The following SCN7A variants were observed in gnomAD, a reference collection of about 807,000 sequenced individuals.
SCN7A encodes sodium voltage-gated channel alpha subunit 7.
A neutral mutation model predicts 155.2 loss-of-function variants in SCN7A; 138 were observed. The ratio of observed to expected loss-of-function variants is 0.89; its 90% CI spans 0.77 to 1.02. The LOEUF is 1.02. SCN7A is among the 50% of genes least tolerant of loss of function. The pLI, the probability that SCN7A is intolerant of heterozygous loss-of-function variation, is 0.00. For missense variants in SCN7A, 2,058 were observed against 1,986.6 expected (o/e 1.04, Z -0.68); for synonymous variants, 693 against 649.0 (o/e 1.07, Z -1.03).
intron 2 of SCN7A, among the ~76,000 whole-genome samples, chr2:166,480,332 C>A (rs1702893162): frequency 6.6e-6 from 1 of 152,038 alleles, no homozygotes; most frequent in South Asian, 2.1e-4. Flanking sequence ...GTGGCGGGCG[C>A]CTGTAGTCCC....
chr2:166,447,726 G>A lies in SCN7A; in HGVS notation c.1291-18C>T, dbSNP rs1702094768. ...GTCTTGGCCTGAAAAGGAATTTGAT[G>A]GTTTAATACTGGCTTCCTGTCTTTG... On this transcript the variant is annotated intron_variant, in intron 11 of 25. Coordinates refer to ENST00000643258, the MANE Select transcript of SCN7A (RefSeq NM_002976.4). 1.3e-6 allele frequency: 2 copies of A among 1,564,644 alleles called. No homozygotes were observed. Among genetic ancestry groups the A allele is most frequent in the Non-Finnish European group, 1.8e-6 (2 of 1,136,014 alleles).
Position 166,456,974 on chromosome 2 carries a change from C to T in SCN7A, c.1186G>A (p.Ala396Thr), listed in dbSNP as rs1246944832. Residue 396 changes from alanine to threonine, a missense_variant, in exon 11 of 26, where the codon GCC (alanine) becomes ACC (threonine). Ala to Thr is a moderately conservative substitution (Grantham distance 58, BLOSUM62 0). Transcript: ENST00000643258. ...ACTCTCTGCTTTTCTTCTTCATAGG[C>T]CATGGCAAGTATGCCTAAGAACAAA... ...ASLFLGILAM[A>T]YEEEKQRVGE... 1.2e-6 allele frequency: 2 copies of T among 1,605,238 alleles called. No homozygotes were observed. Among genetic ancestry groups the T allele is most frequent in the Non-Finnish European group, 1.7e-6 (2 of 1,175,746 alleles).
rs769318708 is a variant in SCN7A, at chr2:166,406,076, A to C, written c.4553T>G (p.Phe1518Cys). The C allele has an allele frequency of 2.9e-5, 47 of 1,612,546 alleles. No homozygotes were observed. Among genetic ancestry groups the C allele is most frequent in the African/African-American group, 5.3e-5 (4 of 74,816 alleles). Residue 1518 changes from phenylalanine (F) to cysteine (C), a missense_variant, in exon 26 of 26, where the codon TTC becomes TGC. Physicochemically the swap from Phe to Cys is radical, Grantham distance 205. Coordinates refer to ENST00000643258, the MANE Select transcript of SCN7A (RefSeq NM_002976.4). ...KTLSEDDFRK[F>C]FQVWKRFDPD... ...ATCAAACCTTTTCCATACCTGAAAGAATTTCCTAAAATCATCTTCACTCAA... is the reference window on the plus strand; with the variant it reads ...ATCAAACCTTTTCCATACCTGAAAGCATTTCCTAAAATCATCTTCACTCAA...
intron 7 of SCN7A, among the ~76,000 whole-genome samples, 200 bp downstream of exon 7, chr2:166,470,415 T>G (rs1559122312): frequency 6.6e-6 from 1 of 151,864 alleles, no homozygotes; most frequent in Non-Finnish European, 1.5e-5. Flanking sequence ...AAATTGAGCC[T>G]ACACCAAATA....
chr2:166,486,399 CA>C (rs2105535273), intron 2 of SCN7A, among the ~76,000 whole-genome samples: 1 of 152,312 alleles, frequency 6.6e-6, no homozygotes, highest in Admixed American at 6.5e-5. Flanking sequence ...AAACCTTCAA[CA>C]ATGTACCAGA....
rs1296739923 is a variant in SCN7A at position 166,489,028 on chromosome 2, C to T, written c.-127-2060G>A. 1.3e-5 allele frequency among the ~76,000 whole-genome samples: 2 copies of T among 152,082 alleles called. 1 individual carries two copies. Among genetic ancestry groups the T allele is most frequent in the East Asian group, 3.9e-4 (2 of 5,188 alleles). Reference sequence around the variant, plus strand: ...GCTGAAGTTTGAGAAGTCATATTTGCAAGGATGTTTATCATAACATAATAC... The same window carrying T: ...GCTGAAGTTTGAGAAGTCATATTTGTAAGGATGTTTATCATAACATAATAC... On this transcript the variant is annotated intron_variant, in intron 1 of 25. Coordinates refer to ENST00000643258, the MANE Select transcript of SCN7A (RefSeq NM_002976.4).
rs1434917675 is a variant in SCN7A at position 166,404,773 on chromosome 2, T to C, written c.*807A>G. The C allele has an allele frequency of 6.7e-6, 1 of 150,074 alleles. No homozygotes were observed. Among genetic ancestry groups the C allele is most frequent in the East Asian group, 2.0e-4 (1 of 5,122 alleles). 9.3% of individuals were successfully genotyped at this position (150,074 alleles called of 1,614,324 possible). ...TATTAACATGTTATTTATTACATCA[T>C]TTTAGTAAATGTATACTTTTTAAAA... is the stretch of plus-strand genomic sequence containing the variant. On this transcript the variant is annotated 3_prime_UTR_variant, in exon 26 of 26. Transcript: ENST00000643258.
intron 6 of SCN7A, 76 bp downstream of exon 6, chr2:166,472,239 GCA>G (rs1702675231): frequency 7.2e-7 from 1 of 1,386,626 alleles, no homozygotes; most frequent in Non-Finnish European, 9.6e-7. Flanking sequence ...CAAAATCTTT[GCA>G]GACGTCAATT....
chr2:166,486,733 G>A (rs1431496248), intron 2 of SCN7A, 123 bp downstream of exon 2: 1 of 152,182 alleles, frequency 6.6e-6, no homozygotes, highest in African/African-American at 2.4e-5. Context: ...TGATAGCTAA[G>A]CTTCACCCAA....
chr2:166,476,968 A>G (rs975977641), intron 3 of SCN7A, among the ~76,000 whole-genome samples: 2 of 151,992 alleles, frequency 1.3e-5, no homozygotes, highest in Non-Finnish European at 2.9e-5. Context: ...CTGGGATTGG[A>G]CATATAGTAG....
chr2:166,443,420 G>T, intron 14 of SCN7A, 83 bp downstream of exon 14: 1 of 1,125,068 alleles, frequency 8.9e-7, no homozygotes, highest in Non-Finnish European at 1.3e-6. Context: ...AATGGGATAG[G>T]TATTACTGTA....
At chr2:166,432,084 C>A (rs931889298) in intron 16 of SCN7A, among the ~76,000 whole-genome samples, 6 of 152,018 alleles carry the variant, frequency 3.9e-5, no homozygotes, top group African/African-American at 9.7e-5. Context: ...TACCTCCCCC[C>A]CTCCATGGAC....
At chr2:166,436,339 T>C in intron 15 of SCN7A, 1 of 400,476 alleles carries the variant, frequency 2.5e-6, no homozygotes, top group Non-Finnish European at 5.0e-6. Context: ...ATAAGGGGCT[T>C]ACCCCACCTT....
chr2:166,480,352 A>G (rs1239029169), intron 2 of SCN7A, among the ~76,000 whole-genome samples: 5 of 151,702 alleles, frequency 3.3e-5, no homozygotes, highest in African/African-American at 4.8e-5. Flanking sequence ...CAGCTACTCG[A>G]GAGGCTGAGG....
At chr2:166,478,242 A>T (rs866316901) in intron 2 of SCN7A, among the ~76,000 whole-genome samples, 3 of 151,458 alleles carry the variant, frequency 2.0e-5, no homozygotes, top group East Asian at 3.9e-4. Context: ...GTATACATGT[A>T]TACATATGTA....
chr2:166,441,149 A>G (rs1701951038), intron 15 of SCN7A: 1 of 438,050 alleles, frequency 2.3e-6, no homozygotes, highest in Non-Finnish European at 4.0e-6. Context: ...CAATATAAAA[A>G]TTATTAATGA....
rs1701080039 is a variant in SCN7A, at chr2:166,406,554, G to T, written c.4075C>A (p.Leu1359Ile). The T allele has an allele frequency of 1.2e-6, 2 of 1,612,750 alleles. No individual in the cohort carries two copies. The highest frequency in any genetic ancestry group is 2.7e-5 in the African/African-American group (2 of 74,828). ...TGAAACACCTTTGGTCCTTTTCCAA[G>T]ACGCAGCATGTGAATGATCCGTGAG... ...LLSRIIHMLR[L>I]GKGPKVFHNL... The change falls in exon 26 of 26, where the codon CTT becomes ATT. Residue 1359 changes from leucine to isoleucine, a missense_variant. Physicochemically the swap from Leu to Ile is conservative, Grantham distance 5 (BLOSUM62 2). Coordinates refer to ENST00000643258, the MANE Select transcript of SCN7A (RefSeq NM_002976.4).
intron 10 of SCN7A, among the ~76,000 whole-genome samples, chr2:166,460,279 G>A (rs1702372938): frequency 6.6e-6 from 1 of 152,038 alleles, no homozygotes. Flanking sequence ...TACATTTTGG[G>A]GGCAATAAGT....
intron 18 of SCN7A, among the ~76,000 whole-genome samples, chr2:166,424,072 G>A (rs1478467232): frequency 6.6e-6 from 1 of 151,930 alleles, no homozygotes; most frequent in Non-Finnish European, 1.5e-5. Context: ...ATATACATAA[G>A]AGGACAAAAA....
Sources: gnomAD v4.1 joint callset for allele counts (sites outside exome capture counted in the v4.1 genomes callset) on GRCh38, gnomAD v4.1.1 for gene constraint, MANE v1.5 for transcripts, NCBI Gene and HGNC (gene_info 2026-07-23, HGNC 2026-07-21) for gene names.